GNA12: variants seen among roughly 807,000 people sequenced by gnomAD.
GNA12 encodes G protein subunit alpha 12, also known as guanine nucleotide-binding protein subunit alpha-12.
In GNA12, 9 loss-of-function variants were observed where a neutral mutation model predicts 26.0. The observed-to-expected ratio is 0.35, with a 90% CI of 0.21 to 0.60. The LOEUF (loss-of-function observed/expected upper bound fraction) is 0.60. Ranked by LOEUF, GNA12 falls within the 20% of genes least tolerant of loss-of-function variation. The probability of loss-of-function intolerance (pLI) is 0.78; values close to 1 mark genes in which losing one functional copy is unlikely to be tolerated. For missense variants in GNA12, 405 were observed against 525.8 expected (o/e 0.77, Z 2.25); for synonymous variants, 264 against 219.6 (o/e 1.20, Z -1.79).
chr7:2,750,048 C>T lies in GNA12; in HGVS notation c.526-16547G>A, dbSNP rs192352873. Reference sequence around the variant, plus strand: ...ATAAATTTACAGATTTCAAGAAGCTCCACAAATTCCAAATATGATAAGTAT... The same window carrying T: ...ATAAATTTACAGATTTCAAGAAGCTTCACAAATTCCAAATATGATAAGTAT... On this transcript the variant is annotated intron_variant, in intron 2 of 3. Transcript: ENST00000275364. Among the ~76,000 whole-genome samples the T allele has an allele frequency of 1.1e-3, 167 of 152,272 alleles. 2 individuals carry two copies. The highest frequency in any genetic ancestry group is 1.2e-3 in the Non-Finnish European group (81 of 68,016).
chr7:2,781,704 T>A (rs951804852), intron 2 of GNA12, among the ~76,000 whole-genome samples: 1 of 152,160 alleles, frequency 6.6e-6, no homozygotes, highest in Non-Finnish European at 1.5e-5. Context: ...CAATCTTATT[T>A]CATGGGTGGG....
intron 2 of GNA12, chr7:2,762,663 G>A (rs2115401957): frequency 3.1e-6 from 5 of 1,599,526 alleles, no homozygotes; most frequent in East Asian, 2.3e-5. Flanking sequence ...ACGATGAGAG[G>A]ATAAATCATT....
chr7:2,740,970 G>A (rs920229300), intron 2 of GNA12, among the ~76,000 whole-genome samples: 8 of 152,326 alleles, frequency 5.3e-5, no homozygotes, highest in South Asian at 4.1e-4. Flanking sequence ...GTGTGAACCC[G>A]GGAGGCAGAG....
chr7:2,774,163 T>A (rs1330337264), intron 2 of GNA12, among the ~76,000 whole-genome samples: 2 of 152,164 alleles, frequency 1.3e-5, no homozygotes, highest in Non-Finnish European at 2.9e-5. Context: ...CATTGTTTCC[T>A]GAGCTGGCGG....
At chr7:2,838,882 A>C (rs1343359168) in intron 1 of GNA12, among the ~76,000 whole-genome samples, 1 of 152,236 alleles carries the variant, frequency 6.6e-6, no homozygotes, top group African/African-American at 2.4e-5. Flanking sequence ...ACAGAACCTC[A>C]AAATACAGGA....
rs141303648 is a variant in GNA12 at position 2,781,222 on chromosome 7, G to A, written c.525+13706C>T. Among the ~76,000 whole-genome samples, 13 of 152,174 alleles carry A rather than the reference G, an allele frequency of 8.5e-5. 1 individual carries two copies. The East Asian group carries it at 2.5e-3, about 29-fold the overall frequency. ...ATATACAGCAGTTCTTAATTTTATG[G>A]GAGTCAAATTATTAATCTTTTCCTC... On this transcript the variant is annotated intron_variant, in intron 2 of 3. Coordinates refer to ENST00000275364, the MANE Select transcript of GNA12 (RefSeq NM_007353.3).
At chr7:2,829,385 G>C (rs1243234616) in intron 1 of GNA12, among the ~76,000 whole-genome samples, 4 of 152,222 alleles carry the variant, frequency 2.6e-5, no homozygotes, top group Non-Finnish European at 2.9e-5. Flanking sequence ...GTGTCTCTCT[G>C]ACTCCCAACT....
chr7:2,772,645 C>G (rs1418642885), intron 2 of GNA12, among the ~76,000 whole-genome samples: 1 of 151,990 alleles, frequency 6.6e-6, no homozygotes, highest in Admixed American at 6.6e-5. Flanking sequence ...CAATTGATAC[C>G]CACCAGGAGG....
chr7:2,837,246 C>T (rs956040093), intron 1 of GNA12, among the ~76,000 whole-genome samples: 8 of 152,320 alleles, frequency 5.3e-5, no homozygotes, highest in East Asian at 1.9e-4. Flanking sequence ...GATTAGCTGT[C>T]GCTTTGCTAC....
chr7:2,833,519 T>C (rs1361389319), intron 1 of GNA12, among the ~76,000 whole-genome samples: 1 of 152,144 alleles, frequency 6.6e-6, no homozygotes, highest in Non-Finnish European at 1.5e-5. Context: ...ATAATCAACA[T>C]GTAAACTCGA....
At chr7:2,789,747 T>C (rs75313680) in intron 2 of GNA12, among the ~76,000 whole-genome samples, 3,010 of 152,276 alleles carry the variant, frequency 0.02, 58 homozygotes, top group Middle Eastern at 0.075. Flanking sequence ...TCCCTGGCCA[T>C]GTGCCAGGTC....
At chr7:2,772,147 T>A (rs1791964003) in intron 2 of GNA12, among the ~76,000 whole-genome samples, 1 of 152,236 alleles carries the variant, frequency 6.6e-6, no homozygotes, top group African/African-American at 2.4e-5. Context: ...ATATTCCGGA[T>A]AATCTGACAA....
chr7:2,742,084 C>T (rs1397385539), intron 2 of GNA12, among the ~76,000 whole-genome samples: 3 of 151,762 alleles, frequency 2.0e-5, no homozygotes, highest in African/African-American at 7.3e-5. Flanking sequence ...TGCAGTGGGG[C>T]GATCTCAGCT....
chr7:2,794,557 G>A (rs972874108), intron 2 of GNA12, among the ~76,000 whole-genome samples: 1 of 152,168 alleles, frequency 6.6e-6, no homozygotes. Context: ...GAAGGCGTTC[G>A]TGAGTTGCCC....
chr7:2,762,337 T>C, intron 2 of GNA12: 1 of 359,992 alleles, frequency 2.8e-6, no homozygotes, highest in Non-Finnish European at 5.0e-6. Flanking sequence ...CGACTGCTGC[T>C]GGACACACAC....
At chr7:2,757,829 A>C (rs1255212470) in intron 2 of GNA12, among the ~76,000 whole-genome samples, 1 of 152,124 alleles carries the variant, frequency 6.6e-6, no homozygotes, top group Non-Finnish European at 1.5e-5. Context: ...GAGTCAATGA[A>C]GACATGTGTT....
At chr7:2,763,827 C>G (rs1791688957) in intron 2 of GNA12, among the ~76,000 whole-genome samples, 1 of 152,214 alleles carries the variant, frequency 6.6e-6, no homozygotes, top group Admixed American at 6.5e-5. Flanking sequence ...GACCTCTGCA[C>G]TGAGATCCCC....
intron 1 of GNA12, among the ~76,000 whole-genome samples, chr7:2,840,344 C>T (rs1212635697): frequency 6.6e-6 from 1 of 152,174 alleles, no homozygotes; most frequent in Non-Finnish European, 1.5e-5. Context: ...TTTAATGTCT[C>T]TATCCTCAAT....
intron 2 of GNA12, among the ~76,000 whole-genome samples, chr7:2,768,671 AAAAAACAAAACAAAAC>A (rs1791870085): frequency 8.1e-6 from 1 of 124,036 alleles, no homozygotes; most frequent in Non-Finnish European, 1.9e-5. Context: ...CAAGGTAAAA[AAAAAACAAAACAAAAC>A]AAAAAAAAAA....
Sources: allele counts gnomAD v4.1 joint callset (sites outside exome capture counted in the v4.1 genomes callset), GRCh38; gene constraint gnomAD v4.1.1; transcripts MANE v1.5; gene names NCBI Gene and HGNC (gene_info 2026-07-23, HGNC 2026-07-21).